SORCS1: variants seen among roughly 807,000 people sequenced by gnomAD.
The protein encoded by SORCS1 is sortilin related VPS10 domain containing receptor 1, also known as VPS10 domain-containing receptor SorCS1.
SORCS1 carries 60 observed loss-of-function variants against 146.1 expected under a neutral mutation model. That is an observed-to-expected ratio of 0.41 (90% CI 0.33 to 0.51). The LOEUF (loss-of-function observed/expected upper bound fraction) is 0.51. Among genes scored for constraint, SORCS1 ranks in the 20% least tolerant of loss-of-function variants. SORCS1 has a pLI of 0.21. For missense variants in SORCS1, 1,352 were observed against 1,487.6 expected (o/e 0.91, Z 1.50); for synonymous variants, 637 against 584.0 (o/e 1.09, Z -1.31).
chr10:106,625,634 C>T (rs1311980384), intron 19 of SORCS1, among the ~76,000 whole-genome samples: 6 of 152,084 alleles, frequency 3.9e-5, no homozygotes, highest in African/African-American at 9.7e-5. Context: ...CGAAAAACTA[C>T]GTGGGTTTTC....
intron 2 of SORCS1, among the ~76,000 whole-genome samples, chr10:106,890,418 T>C (rs894190789): frequency 2.6e-5 from 4 of 152,112 alleles, no homozygotes; most frequent in Admixed American, 2.0e-4. Flanking sequence ...AACCTGATTA[T>C]ACCTAGAAAG....
chr10:106,673,200 C>T (rs1055104401), intron 14 of SORCS1, among the ~76,000 whole-genome samples: 6 of 149,948 alleles, frequency 4.0e-5, no homozygotes, highest in Middle Eastern at 6.8e-3. Flanking sequence ...GGTGCGATCT[C>T]GGCTCACTAC....
intron 1 of SORCS1, among the ~76,000 whole-genome samples, chr10:107,108,413 G>T (rs1366670654): frequency 6.6e-6 from 1 of 152,170 alleles, no homozygotes; most frequent in Non-Finnish European, 1.5e-5. Flanking sequence ...GGAGGAACAG[G>T]CATATCACAT....
intron 3 of SORCS1, among the ~76,000 whole-genome samples, chr10:106,817,838 A>G (rs1460815540): frequency 6.6e-6 from 1 of 151,966 alleles, no homozygotes. Context: ...ACTAAATGAT[A>G]TTTTTCTGTT....
intron 1 of SORCS1, among the ~76,000 whole-genome samples, chr10:107,077,899 A>G (rs1210953087): frequency 6.6e-6 from 1 of 152,156 alleles, no homozygotes; most frequent in Non-Finnish European, 1.5e-5. Context: ...AATGCTTAGA[A>G]AGAGAATTAG....
intron 2 of SORCS1, among the ~76,000 whole-genome samples, chr10:106,922,522 T>A (rs984588960): frequency 6.6e-6 from 1 of 152,196 alleles, no homozygotes; most frequent in South Asian, 2.1e-4. Flanking sequence ...GGATTTTTTT[T>A]ATTAGGCTTC....
intron 2 of SORCS1, among the ~76,000 whole-genome samples, chr10:106,841,499 T>A (rs1009713647): frequency 6.7e-6 from 1 of 148,180 alleles, no homozygotes; most frequent in African/African-American, 2.5e-5. Flanking sequence ...CACACACACA[T>A]TGTTTTTCTA....
rs755492792 is a variant in SORCS1 at position 106,667,761 on chromosome 10, G to A, written c.2231C>T (p.Pro744Leu). Residue 744 changes from proline to leucine, a missense_variant, in exon 17 of 26, where the codon CCG (proline) becomes CTG (leucine). Physicochemically the swap from Pro to Leu is moderately conservative, Grantham distance 98. This residue lies in a region of SORCS1 where 648 missense variants were observed against 793.8 expected (regional missense o/e 0.82). Transcript: ENST00000263054. ...AGAGGATGGATTGAACCAAAATGCC[G>A]GCAGGCACTGGCCATTGCTGTGTCG... ...YERHSNGQCLPAFWFNPSSLS... is the reference protein window; with the variant it reads ...YERHSNGQCLLAFWFNPSSLS... 54 of 1,613,926 alleles carry A rather than the reference G, an allele frequency of 3.3e-5. No homozygotes were observed. The highest frequency in any genetic ancestry group is 1.6e-4 in the Middle Eastern group (1 of 6,084).
At chr10:106,885,634 C>T (rs958869245) in intron 2 of SORCS1, among the ~76,000 whole-genome samples, 2 of 152,086 alleles carry the variant, frequency 1.3e-5, no homozygotes, top group Non-Finnish European at 2.9e-5. Context: ...GATTTACATG[C>T]GTATCTTCTA....
At chr10:106,673,176 G>C (rs1249243535) in intron 14 of SORCS1, among the ~76,000 whole-genome samples, 191 bp from the exon 15 acceptor site, 1 of 148,422 alleles carries the variant, frequency 6.7e-6, no homozygotes, top group African/African-American at 2.5e-5. Flanking sequence ...TCTGTCACCA[G>C]GCTGGAGCGC....
the SORCS1 span, among the ~76,000 whole-genome samples, chr10:107,172,398 T>C: frequency 1.2e-4 from 19 of 152,358 alleles, no homozygotes; most frequent in African/African-American, 4.3e-4. Context: ...CTTTTAAAGG[T>C]TCTCATTATG....
chr10:106,997,596 CAG>C (rs886892753), intron 1 of SORCS1, among the ~76,000 whole-genome samples: 28 of 152,128 alleles, frequency 1.8e-4, no homozygotes, highest in Admixed American at 1.8e-3. Context: ...CAAGACCAGA[CAG>C]AGTTTCCTTT....
chr10:106,610,755 C>T (rs76943106), intron 22 of SORCS1, among the ~76,000 whole-genome samples: 5,555 of 152,276 alleles, frequency 0.036, 143 homozygotes, highest in South Asian at 0.067. Flanking sequence ...GCCCCATGAG[C>T]GGCTATCCCA....
intron 1 of SORCS1, among the ~76,000 whole-genome samples, chr10:107,112,984 G>A (rs1275288117): frequency 6.6e-6 from 1 of 152,122 alleles, no homozygotes; most frequent in Middle Eastern, 3.2e-3. Context: ...CAGTAGGCTT[G>A]AACAACACTA....
intron 2 of SORCS1, among the ~76,000 whole-genome samples, chr10:106,895,784 T>C (rs1951449865): frequency 6.6e-6 from 1 of 152,276 alleles, no homozygotes. Flanking sequence ...CACTCTTAGG[T>C]GTATGTCCAA....
chr10:107,024,936 T>C (rs1958332096), intron 1 of SORCS1, among the ~76,000 whole-genome samples: 1 of 152,202 alleles, frequency 6.6e-6, no homozygotes, highest in Non-Finnish European at 1.5e-5. Context: ...CAATACTCTA[T>C]TTTGGAAGAA....
intron 1 of SORCS1, among the ~76,000 whole-genome samples, chr10:107,149,389 C>T (rs1374775107): frequency 6.6e-6 from 1 of 152,094 alleles, no homozygotes; most frequent in Non-Finnish European, 1.5e-5. Flanking sequence ...AAAAAAATCG[C>T]GCTTTAATCA....
chr10:106,729,159 C>G (rs951104147), intron 6 of SORCS1, among the ~76,000 whole-genome samples: 1 of 152,226 alleles, frequency 6.6e-6, no homozygotes, highest in East Asian at 1.9e-4. Flanking sequence ...TTCTTGAATT[C>G]TCACCTGAAT....
At chr10:106,813,766 A>G (rs1947596771) in intron 3 of SORCS1, among the ~76,000 whole-genome samples, 1 of 152,018 alleles carries the variant, frequency 6.6e-6, no homozygotes, top group African/African-American at 2.4e-5. Context: ...GAGACCATGT[A>G]CCTACAAAAA....
Sources: gnomAD v4.1 joint callset for allele counts (sites outside exome capture counted in the v4.1 genomes callset) on GRCh38, gnomAD v4.1.1 for gene constraint, gnomAD v4.1.1 regional missense constraint, MANE v1.5 for transcripts, NCBI Gene and HGNC (gene_info 2026-07-23, HGNC 2026-07-21) for gene names.